PPFIBP2: variants seen among roughly 807,000 people sequenced by gnomAD.
PPFIBP2 encodes liprin-beta-2.
In PPFIBP2, 118 loss-of-function variants were observed where a neutral mutation model predicts 118.3. The ratio of observed to expected loss-of-function variants is 1.00; its 90% CI spans 0.86 to 1.16. The LOEUF is 1.16. PPFIBP2 is among the 50% of genes most tolerant of loss of function. PPFIBP2 has a pLI of 0.00. For synonymous variants in PPFIBP2, 414 were observed against 397.4 expected (o/e 1.04, Z -0.50); for missense variants, 1,195 against 1,073.1 (o/e 1.11, Z -1.59).
chr11:7,558,763 AAAAG>A (rs1047232226), intron 2 of PPFIBP2, among the ~76,000 whole-genome samples: 3 of 152,100 alleles, frequency 2.0e-5, no homozygotes, highest in African/African-American at 7.2e-5. Context: ...CAAAAAAAAA[AAAAG>A]AAAGAAAAAA....
intron 1 of PPFIBP2, among the ~76,000 whole-genome samples, chr11:7,516,765 C>T (rs1216969092): frequency 6.6e-6 from 1 of 152,152 alleles, no homozygotes; most frequent in Non-Finnish European, 1.5e-5. Context: ...GGGTAGGTGT[C>T]TTCTGGCCGG....
In PPFIBP2 at chr11:7,653,144, A is replaced by T; in HGVS notation, c.2557A>T (p.Ser853Cys). ...TGTCAGTGATAGTCACAGGGTCTAC[A>T]GTGGCTACCGGGGCCTCAGCCCCCT... ...DGVSDSHRVY[S>C]GYRGLSPLDA... Residue 853 changes from serine (S) to cysteine (C), a missense_variant, in exon 24 of 24, where the codon AGT (serine) becomes TGT (cysteine). Physicochemically the swap from Ser to Cys is moderately radical, Grantham distance 112 (BLOSUM62 -1). Transcript: ENST00000299492. 6.2e-7 allele frequency: 1 copy of T among 1,614,234 alleles called. No individual in the cohort carries two copies. Among genetic ancestry groups the T allele is most frequent in the Non-Finnish European group, 8.5e-7 (1 of 1,180,032 alleles).
intron 3 of PPFIBP2, 28 bp downstream of exon 3, chr11:7,565,795 A>C: frequency 6.2e-7 from 1 of 1,608,160 alleles, no homozygotes; most frequent in African/African-American, 1.3e-5. Flanking sequence ...CTGATTGGGA[A>C]CCACTGGGGA....
In PPFIBP2 at chr11:7,573,141, A is replaced by C. The variant is rs532840432; in HGVS notation, c.279+7374A>C. On this transcript the variant is annotated intron_variant, in intron 3 of 23. Transcript: ENST00000299492. ...CTCCTCCAAGTGTTGTCCTGGGACCAGTAGTACGAGCATCACCTGGGAGCT... is the reference window on the plus strand; with the variant it reads ...CTCCTCCAAGTGTTGTCCTGGGACCCGTAGTACGAGCATCACCTGGGAGCT... 1.3e-4 allele frequency among the ~76,000 whole-genome samples: 20 copies of C among 152,332 alleles called. No individual in the cohort carries two copies. The East Asian group carries it at 3.9e-3, about 29-fold the overall frequency.
chr11:7,592,879 C>T (rs1859589726), intron 3 of PPFIBP2, among the ~76,000 whole-genome samples: 1 of 152,160 alleles, frequency 6.6e-6, no homozygotes, highest in Admixed American at 6.5e-5. Context: ...TCACAGAGGC[C>T]CTCCTGGCCA....
At chr11:7,583,195 G>A (rs769315239) in intron 3 of PPFIBP2, among the ~76,000 whole-genome samples, 10 of 152,070 alleles carry the variant, frequency 6.6e-5, no homozygotes, top group Admixed American at 2.0e-4. Context: ...CTAGTTCCCA[G>A]GCAATCTTCC....
At chr11:7,552,003 T>A (rs1316346856) in intron 2 of PPFIBP2, among the ~76,000 whole-genome samples, 5 of 152,196 alleles carry the variant, frequency 3.3e-5, no homozygotes, top group African/African-American at 4.8e-5. Flanking sequence ...ATCCTTCCAT[T>A]TCCTTAGTCC....
chr11:7,632,932 C>A lies in PPFIBP2; in HGVS notation c.1134C>A (p.Thr378=), dbSNP rs1850965344. The change falls in exon 12 of 24, where the codon ACC becomes ACA. Residue 378 remains threonine (T), a splice_region_variant and synonymous_variant. Coordinates refer to ENST00000299492, the MANE Select transcript of PPFIBP2 (RefSeq NM_003621.5). ...PPPLPQKSLE[T]RAQKKLSCSL... is the part of the protein sequence containing the mutation. ...CATTGCCACAGAAATCACTGGAAAC[C>A]AGGTAAGAGGCCTGGGCATTTCCCC... 1 of 1,613,300 alleles carries A rather than the reference C, an allele frequency of 6.2e-7. No homozygotes were observed. Among genetic ancestry groups the A allele is most frequent in the Non-Finnish European group, 8.5e-7 (1 of 1,179,344 alleles).
chr11:7,571,651 AAGT>A (rs1855661383), intron 3 of PPFIBP2: 1 of 152,136 alleles, frequency 6.6e-6, no homozygotes, highest in Non-Finnish European at 1.5e-5. Context: ...TCAAGAAAAA[AAGT>A]AGAGCCTGTG....
At chr11:7,666,578 C>T in the PPFIBP2 span, 1,787 of 1,531,608 alleles carry the variant, frequency 1.2e-3, 23 homozygotes, top group African/African-American at 0.022. Context: ...CTGAAAAAGC[C>T]CCTCCAGGGC....
chr11:7,610,894 A>G (rs1212037411), intron 6 of PPFIBP2, among the ~76,000 whole-genome samples: 2 of 152,368 alleles, frequency 1.3e-5, no homozygotes, highest in Admixed American at 6.5e-5. Context: ...CTTATGGAGC[A>G]TGCCATGTGC....
intron 3 of PPFIBP2, among the ~76,000 whole-genome samples, chr11:7,568,198 A>ATG (rs1855230977): frequency 6.6e-6 from 1 of 152,234 alleles, no homozygotes; most frequent in Admixed American, 6.5e-5. Flanking sequence ...TTCCAGTAAA[A>ATG]TGATGTAAAC....
At chr11:7,527,570 T>G (rs1219703409) in intron 1 of PPFIBP2, among the ~76,000 whole-genome samples, 1 of 152,138 alleles carries the variant, frequency 6.6e-6, no homozygotes, top group Non-Finnish European at 1.5e-5. Flanking sequence ...CCTGACTGAA[T>G]GGAACTTAAG....
chr11:7,540,550 G>T (rs1006033934), intron 1 of PPFIBP2, among the ~76,000 whole-genome samples: 1 of 152,148 alleles, frequency 6.6e-6, no homozygotes, highest in Non-Finnish European at 1.5e-5. Context: ...GGAAGAGTTT[G>T]GGGCTGTTGT....
chr11:7,624,589 G>A (rs1849742695), intron 7 of PPFIBP2, among the ~76,000 whole-genome samples: 1 of 152,210 alleles, frequency 6.6e-6, no homozygotes. Context: ...ATGGGGAAGG[G>A]GTGGCCAGAG....
intron 15 of PPFIBP2, 47 bp from the exon 16 acceptor site, chr11:7,641,432 G>A: frequency 5.0e-6 from 8 of 1,602,796 alleles, no homozygotes; most frequent in South Asian, 1.1e-5. Context: ...AAGGGTTCCA[G>A]GGGTCACATC....
At chr11:7,648,737 C>A (rs1403608222) in intron 18 of PPFIBP2, 63 bp from the exon 19 acceptor site, 21 of 1,534,136 alleles carry the variant, frequency 1.4e-5, no homozygotes, top group Non-Finnish European at 1.9e-5. Flanking sequence ...CCAGACACAG[C>A]TTTCTCTGAG....
intron 14 of PPFIBP2, 62 bp downstream of exon 14, chr11:7,635,655 T>G: frequency 6.6e-7 from 1 of 1,514,362 alleles, no homozygotes; most frequent in South Asian, 1.1e-5. Context: ...TATTTTAATT[T>G]AGCAAGTCAT....
intron 1 of PPFIBP2, among the ~76,000 whole-genome samples, chr11:7,533,528 C>A (rs1850942086): frequency 6.6e-6 from 1 of 152,184 alleles, no homozygotes; most frequent in African/African-American, 2.4e-5. Context: ...AGAAATAATA[C>A]AAATTATTAT....
Sources: gnomAD v4.1 joint callset for allele counts (sites outside exome capture counted in the v4.1 genomes callset) on GRCh38, gnomAD v4.1.1 for gene constraint, MANE v1.5 for transcripts, NCBI Gene and HGNC (gene_info 2026-07-23, HGNC 2026-07-21) for gene names.